Variants in GALNT9 observed in about 807,000 individuals in gnomAD.
GALNT9 encodes polypeptide N-acetylgalactosaminyltransferase 9.
In GALNT9, 47 loss-of-function variants were observed where a neutral mutation model predicts 63.1. The ratio of observed to expected loss-of-function variants is 0.75; its 90% CI spans 0.59 to 0.95. The LOEUF (loss-of-function observed/expected upper bound fraction) is 0.95. Among genes scored for constraint, GALNT9 ranks in the 40% least tolerant of loss-of-function variants. The pLI is 0.00. For synonymous variants in GALNT9, 396 were observed against 365.7 expected, an observed-to-expected ratio of 1.08 and a Z score of -0.94; for missense variants, 829 against 874.8, an observed-to-expected ratio of 0.95 and a Z score of 0.66.
rs28391732 is a variant in GALNT9, at chr12:132,310,268, C to T, written c.238+18698G>A. Reference sequence around the variant, plus strand: ...AGGTCTCACCGGCCACACCGCGGTTCGGCATTTCAGTTGGGGTCGGTAACA... The same window carrying T: ...AGGTCTCACCGGCCACACCGCGGTTTGGCATTTCAGTTGGGGTCGGTAACA... On this transcript the variant is annotated intron_variant, in intron 1 of 10. Transcript: ENST00000328957. The surrounding 1 kb of genome is among the most constrained non-coding windows in gnomAD (Gnocchi z 4.8). Among the ~76,000 whole-genome samples the T allele has an allele frequency of 0.32, 47,955 of 152,010 alleles. 8,679 individuals are homozygous for T. Among genetic ancestry groups the T allele is most frequent in the East Asian group, 0.56 (2,883 of 5,150 alleles).
intron 1 of GALNT9, among the ~76,000 whole-genome samples, chr12:132,317,400 T>C (rs1170119427): frequency 5.9e-5 from 9 of 152,188 alleles, no homozygotes; most frequent in Non-Finnish European, 1.2e-4. Flanking sequence ...TCACAGTGTG[T>C]GCCCAGGCCC....
At chr12:132,206,652 A>AAC (rs938052444) in intron 6 of GALNT9, among the ~76,000 whole-genome samples, 3 of 151,406 alleles carry the variant, frequency 2.0e-5, no homozygotes, top group Admixed American at 2.0e-4. Flanking sequence ...GTCTCAAAAA[A>AAC]AAAAAAAAAG....
At chr12:132,287,063 C>A (rs1275548486) in intron 1 of GALNT9, among the ~76,000 whole-genome samples, 5 of 84,668 alleles carry the variant, frequency 5.9e-5, no homozygotes, top group Non-Finnish European at 5.6e-5. Context: ...GTGAGCGCCC[C>A]CCCCCCCCCC....
intron 8 of GALNT9, chr12:132,200,615 T>C: frequency 6.5e-6 from 1 of 154,974 alleles, no homozygotes; most frequent in Non-Finnish European, 1.4e-5. Context: ...GGAAGAGCTG[T>C]GTACATTAGC....
At chr12:132,248,138 C>A in intron 5 of GALNT9, 111 bp from the exon 6 acceptor site, 2 of 1,429,518 alleles carry the variant, frequency 1.4e-6, no homozygotes, top group Non-Finnish European at 1.9e-6. Flanking sequence ...CCCTCCTGTG[C>A]CTCCTCCCTG....
intron 2 of GALNT9, among the ~76,000 whole-genome samples, chr12:132,271,660 G>T (rs1879871558): frequency 6.6e-6 from 1 of 152,208 alleles, no homozygotes; most frequent in Admixed American, 6.5e-5. Context: ...GTGGCCTCGT[G>T]CCTTGCCGTG....
intron 6 of GALNT9, among the ~76,000 whole-genome samples, chr12:132,218,323 C>T (rs1407920243): frequency 1.3e-5 from 2 of 152,124 alleles, no homozygotes; most frequent in South Asian, 4.1e-4. Flanking sequence ...CTGACGCGGA[C>T]GGAAACCCAG....
At chr12:132,284,658 T>C (rs1300588455) in intron 2 of GALNT9, 1 of 152,236 alleles carries the variant, frequency 6.6e-6, no homozygotes, top group Non-Finnish European at 1.5e-5. Context: ...CTCAGCCCTG[T>C]TTGTCTAAAG....
chr12:132,318,317 G>C (rs879971286), intron 1 of GALNT9, among the ~76,000 whole-genome samples: 3 of 152,254 alleles, frequency 2.0e-5, no homozygotes, highest in Non-Finnish European at 4.4e-5. Context: ...GGGGCTGGGC[G>C]GGCACTGGGC....
intron 9 of GALNT9, 131 bp from the exon 10 acceptor site, chr12:132,198,090 G>A (rs1326209523): frequency 5.5e-6 from 4 of 733,938 alleles, no homozygotes; most frequent in Admixed American, 2.8e-5. Context: ...CTCCCACCCC[G>A]GGGACGCTGT....
At chr12:132,291,883 G>T (rs1880873272) in intron 1 of GALNT9, among the ~76,000 whole-genome samples, 2 of 152,168 alleles carry the variant, frequency 1.3e-5, no homozygotes, top group African/African-American at 4.8e-5. Context: ...CCTGCTGGGA[G>T]CCATGGGCCC....
chr12:132,200,750 G>A (rs1014442406), intron 8 of GALNT9: 3 of 242,194 alleles, frequency 1.2e-5, no homozygotes, highest in South Asian at 6.1e-5. Context: ...GTATCCCTAT[G>A]TACACATACG....
intron 1 of GALNT9, among the ~76,000 whole-genome samples, chr12:132,323,715 C>T (rs1237231201): frequency 6.6e-6 from 1 of 152,264 alleles, no homozygotes; most frequent in Non-Finnish European, 1.5e-5. Context: ...CCAGCCTCAT[C>T]GTCGGAGTCA....
At chr12:132,287,274 C>T (rs950920222) in intron 1 of GALNT9, among the ~76,000 whole-genome samples, 11 of 152,162 alleles carry the variant, frequency 7.2e-5, no homozygotes, top group Admixed American at 3.3e-4. Context: ...GCAGAGGATG[C>T]GGGAACTCCG....
At chr12:132,260,448 A>G (rs1555239612) in intron 4 of GALNT9, among the ~76,000 whole-genome samples, 5 of 152,178 alleles carry the variant, frequency 3.3e-5, no homozygotes, top group Non-Finnish European at 7.4e-5. Context: ...TCAGCCCAGA[A>G]GCTCACTTCC....
intron 1 of GALNT9, among the ~76,000 whole-genome samples, chr12:132,301,926 T>A (rs1555243871): frequency 6.6e-6 from 1 of 152,256 alleles, no homozygotes; most frequent in African/African-American, 2.4e-5. Flanking sequence ...GTCGTAGCAA[T>A]GACCTTCCAA....
At chr12:132,218,924 A>C (rs940100535) in intron 6 of GALNT9, among the ~76,000 whole-genome samples, 2 of 152,224 alleles carry the variant, frequency 1.3e-5, no homozygotes, top group African/African-American at 4.8e-5. Context: ...AAAGTGACCC[A>C]GTAGCACCAA....
chr12:132,226,246 C>G (rs1877683142), intron 6 of GALNT9, among the ~76,000 whole-genome samples: 1 of 148,308 alleles, frequency 6.7e-6, no homozygotes, highest in Admixed American at 6.7e-5. Flanking sequence ...ACAACATATA[C>G]ACACACCCCA....
At chr12:132,262,722 G>A (rs1324413690) in intron 2 of GALNT9, 97 bp from the exon 3 acceptor site, 1 of 1,454,152 alleles carries the variant, frequency 6.9e-7, no homozygotes, top group Non-Finnish European at 9.1e-7. Flanking sequence ...ACACGGTTTG[G>A]GGTGCGGTCA....
Sources: gnomAD v4.1 joint callset for allele counts (sites outside exome capture counted in the v4.1 genomes callset) on GRCh38, gnomAD v4.1.1 for gene constraint, Gnocchi (gnomAD v3.1) non-coding constraint, MANE v1.5 for transcripts, NCBI Gene and HGNC (gene_info 2026-07-23, HGNC 2026-07-21) for gene names.